CRYZ: variants seen among roughly 807,000 people sequenced by gnomAD.
The protein encoded by CRYZ is crystallin zeta, also known as zeta-crystallin.
In CRYZ, 35 loss-of-function variants were observed where a neutral mutation model predicts 34.1. The observed-to-expected ratio is 1.03, with a 90% CI of 0.78 to 1.36. The LOEUF (loss-of-function observed/expected upper bound fraction) is 1.36, where lower values mean the gene tolerates loss of function less well. CRYZ is among the 40% of genes most tolerant of loss of function. The pLI, the probability that CRYZ is intolerant of heterozygous loss-of-function variation, is 0.00. For synonymous variants in CRYZ, 137 were observed against 136.5 expected, an observed-to-expected ratio of 1.00 and a Z score of -0.03; for missense variants, 403 against 391.8, an observed-to-expected ratio of 1.03 and a Z score of -0.24.
intron 1 of CRYZ, chr1:74,732,646 G>C (rs1647889012): frequency 6.7e-6 from 1 of 148,580 alleles, no homozygotes; most frequent in Admixed American, 6.7e-5. Flanking sequence ...CAGGGAGTGC[G>C]GGGGGCGGAG....
chr1:74,724,106 G>A (rs955838370), intron 2 of CRYZ, among the ~76,000 whole-genome samples: 1 of 152,168 alleles, frequency 6.6e-6, no homozygotes, highest in African/African-American at 2.4e-5. Flanking sequence ...TTGGACAAAA[G>A]CTGATGTTGT....
At chr1:74,709,828 T>G (rs188132380) in intron 6 of CRYZ, among the ~76,000 whole-genome samples, 38 of 152,336 alleles carry the variant, frequency 2.5e-4, no homozygotes, top group Admixed American at 1.7e-3. Context: ...AGAATGTTAT[T>G]TGCATTAAAA....
chr1:74,732,604 G>T (rs1162327908), intron 1 of CRYZ, among the ~76,000 whole-genome samples: 3 of 14,370 alleles, frequency 2.1e-4, no homozygotes, highest in Non-Finnish European at 5.1e-4. Context: ...TGGCGGGGGG[G>T]GGGGGGGGGG....
intron 3 of CRYZ, among the ~76,000 whole-genome samples, chr1:74,722,255 A>C (rs545770116): frequency 6.6e-6 from 1 of 152,300 alleles, no homozygotes; most frequent in African/African-American, 2.4e-5. Context: ...CAGAAGCTGC[A>C]GAAAAAGTTT....
intron 7 of CRYZ, 32 bp from the exon 8 acceptor site, chr1:74,707,026 A>G (rs373976852): frequency 6.9e-6 from 11 of 1,587,734 alleles, no homozygotes; most frequent in Admixed American, 1.7e-5. Flanking sequence ...CTACAGTTAA[A>G]GATTACTGTA....
At chr1:74,731,827 C>T (rs1176629645) in intron 1 of CRYZ, among the ~76,000 whole-genome samples, 1 of 152,188 alleles carries the variant, frequency 6.6e-6, no homozygotes, top group Non-Finnish European at 1.5e-5. Context: ...GACACACCTT[C>T]CCTGGTCACT....
chr1:74,706,241 C>T lies in CRYZ; in HGVS notation c.*55G>A, dbSNP rs1646925814. The T allele has an allele frequency of 7.1e-7, 1 of 1,415,746 alleles. No individual in the cohort carries two copies. 87.7% of individuals were successfully genotyped at this position (1,415,746 alleles called of 1,614,324 possible). ...TAAAGAAAAGATAGGGTAAGTACAA[C>T]TGGGGGAAAGACAGTACCTCTAATT... On this transcript the variant is annotated 3_prime_UTR_variant, in exon 9 of 9. Transcript: ENST00000340866.
chr1:74,728,616 C>G (rs60486335), intron 1 of CRYZ, among the ~76,000 whole-genome samples: 4,986 of 152,274 alleles, frequency 0.033, 259 homozygotes, highest in African/African-American at 0.11. Flanking sequence ...CTACTCAGAA[C>G]AGAGCCCATA....
At position 74,729,356 on chromosome 1, in the gene CRYZ, T is replaced by C. The variant is rs539202479; in HGVS notation, c.-14+3600A>G. 6.6e-4 allele frequency among the ~76,000 whole-genome samples: 100 copies of C among 151,962 alleles called. 1 individual carries two copies. The highest frequency in any genetic ancestry group is 2.4e-3 in the African/African-American group (100 of 41,454). Reference sequence around the variant, plus strand: ...AGAACTTAGCAAACACATGATCTTGTATATAGTAGACATCATTATTGTTTT... The same window carrying C: ...AGAACTTAGCAAACACATGATCTTGCATATAGTAGACATCATTATTGTTTT... On this transcript the variant is annotated intron_variant, in intron 1 of 8. Coordinates refer to ENST00000340866, the MANE Select transcript of CRYZ (RefSeq NM_001889.4).
At chr1:74,729,334 A>T (rs992855283) in intron 1 of CRYZ, among the ~76,000 whole-genome samples, 3 of 151,990 alleles carry the variant, frequency 2.0e-5, no homozygotes, top group Admixed American at 1.3e-4. Flanking sequence ...CAAGCACAGA[A>T]CTTAGCAAAC....
At position 74,706,235 on chromosome 1, in the gene CRYZ, G is replaced by C; in HGVS notation, c.*61C>G. ...GTTAATTAAAGAAAAGATAGGGTAA[G>C]TACAACTGGGGGAAAGACAGTACCT... On this transcript the variant is annotated 3_prime_UTR_variant, in exon 9 of 9. Coordinates refer to ENST00000340866, the MANE Select transcript of CRYZ (RefSeq NM_001889.4). 1.5e-6 allele frequency: 2 copies of C among 1,374,452 alleles called. No individual in the cohort carries two copies. The highest frequency in any genetic ancestry group is 4.8e-5 in the East Asian group (2 of 41,662). The allele number at this position is 1,374,452 out of a possible 1,614,324, so 85.1% of individuals were successfully genotyped here.
In CRYZ at chr1:74,710,116, ATTCAC is replaced by A; in HGVS notation, c.607_611del (p.Val203LeufsTer3). 1.2e-6 allele frequency: 2 copies of A among 1,613,282 alleles called. No individual in the cohort carries two copies. The highest frequency in any genetic ancestry group is 1.3e-5 in the African/African-American group (1 of 75,028). On this transcript the variant is annotated frameshift_variant, in exon 6 of 9. Coordinates refer to ENST00000340866, the MANE Select transcript of CRYZ (RefSeq NM_001889.4). LOFTEE classifies it high-confidence loss of function. ...ATTTTACCTTAATTTTATCAATGTA[ATTCAC>A]TTCTCTGTGATTGAACACTTCATGG...
At chr1:74,720,868 C>T (rs749672051) in intron 3 of CRYZ, among the ~76,000 whole-genome samples, 11 of 151,830 alleles carry the variant, frequency 7.2e-5, no homozygotes, top group Non-Finnish European at 1.3e-4. Context: ...CCTAGACTCT[C>T]GGAGGAGAGA....
intron 6 of CRYZ, chr1:74,708,355 G>A (rs1302634649): frequency 6.6e-6 from 1 of 152,158 alleles, no homozygotes; most frequent in African/African-American, 2.4e-5. Flanking sequence ...GCATGTGCAA[G>A]TGCAGTAGGG....
At chr1:74,726,774 C>T (rs1375419434) in intron 1 of CRYZ, among the ~76,000 whole-genome samples, 1 of 152,112 alleles carries the variant, frequency 6.6e-6, no homozygotes, top group Non-Finnish European at 1.5e-5. Context: ...AATTCCAAAC[C>T]ATATCTTTGT....
At chr1:74,727,664 A>AC (rs1356904076) in intron 1 of CRYZ, among the ~76,000 whole-genome samples, 3 of 149,858 alleles carry the variant, frequency 2.0e-5, no homozygotes, top group East Asian at 3.9e-4. Context: ...AAAAAAAAAA[A>AC]AAACCCAACA....
At chr1:74,723,669 T>C (rs1384293493) in intron 2 of CRYZ, among the ~76,000 whole-genome samples, 1 of 152,134 alleles carries the variant, frequency 6.6e-6, no homozygotes, top group Non-Finnish European at 1.5e-5. Flanking sequence ...AGTAGACACT[T>C]GCAGACCTGA....
At chr1:74,710,051 C>A in intron 6 of CRYZ, 47 bp downstream of exon 6, 2 of 1,556,790 alleles carry the variant, frequency 1.3e-6, no homozygotes, top group African/African-American at 1.4e-5. Flanking sequence ...CCACGCAAGT[C>A]TCCAAGGAAC....
At chr1:74,708,988 A>G (rs1414504857) in intron 6 of CRYZ, among the ~76,000 whole-genome samples, 1 of 152,204 alleles carries the variant, frequency 6.6e-6, no homozygotes, top group East Asian at 1.9e-4. Context: ...GAAGACTGAA[A>G]GAAGACCAGC....
Sources: allele counts gnomAD v4.1 joint callset (sites outside exome capture counted in the v4.1 genomes callset), GRCh38; gene constraint gnomAD v4.1.1; transcripts MANE v1.5; gene names NCBI Gene and HGNC (gene_info 2026-07-23, HGNC 2026-07-21).